Variants in STON1 observed in about 807,000 individuals in gnomAD.
STON1 encodes the protein stonin 1, also known as stonin-1.
In STON1, 79 loss-of-function variants were observed where a neutral mutation model predicts 60.9. The observed-to-expected ratio is 1.30, with a 90% confidence interval of 1.08 to 1.56. The LOEUF is 1.56. STON1 is among the 40% of genes most tolerant of loss of function. The pLI is 0.00. For synonymous variants in STON1, 363 were observed against 306.9 expected (o/e 1.18, Z -1.91); for missense variants, 1,166 against 858.9 (o/e 1.36, Z -4.47).
intron 1 of STON1, among the ~76,000 whole-genome samples, chr2:48,560,834 C>T (rs541802017): frequency 6.6e-6 from 1 of 152,306 alleles, no homozygotes; most frequent in African/African-American, 2.4e-5. Context: ...CCCTTGCTTC[C>T]AGACTGGCAG....
At chr2:48,536,599 A>G (rs1671441750) in intron 1 of STON1, among the ~76,000 whole-genome samples, 2 of 151,864 alleles carry the variant, frequency 1.3e-5, no homozygotes, top group African/African-American at 4.8e-5. Flanking sequence ...TATATAAGGA[A>G]GAACGCAAAA....
chr2:48,563,693 TTTG>T (rs139521757), intron 1 of STON1, among the ~76,000 whole-genome samples: 49,198 of 150,784 alleles, frequency 0.33, 8,123 homozygotes, highest in East Asian at 0.39. Flanking sequence ...TTTGTTTGTT[TTTG>T]TTGTTGTTGT....
intron 2 of STON1, among the ~76,000 whole-genome samples, chr2:48,590,189 C>T (rs923199871): frequency 6.6e-6 from 1 of 152,258 alleles, no homozygotes; most frequent in South Asian, 2.1e-4. Flanking sequence ...TATCACTTGC[C>T]TCCAGTGATC....
chr2:48,582,286 A>C lies in STON1; in HGVS notation c.1653A>C (p.Ser551=), dbSNP rs754141301. The change falls in exon 2 of 4, where the codon TCA becomes TCC. Residue 551 remains serine (S), a synonymous_variant. Coordinates refer to ENST00000404752, the MANE Select transcript of STON1 (RefSeq NM_006873.4). ...VELQAFVNMA[S]LAQRSSYAGS... ...TTCAGGCTTTTGTCAACATGGCCTC[A>C]TTGGCGCAGAGGTCATCCTATGCTG... 2.8e-5 allele frequency: 45 copies of C among 1,614,082 alleles called. No individual in the cohort carries two copies. In the African/African-American group the frequency reaches 5.3e-4, roughly 19 times the overall value.
intron 1 of STON1, among the ~76,000 whole-genome samples, chr2:48,576,185 C>CTTT (rs34849002): frequency 0.23 from 14,356 of 62,948 alleles, 2,385 homozygotes; most frequent in East Asian, 0.32. Flanking sequence ...GTTTTCCTTT[C>CTTT]TTTTTTTTTT....
At chr2:48,565,311 C>G (rs548617383) in intron 1 of STON1, among the ~76,000 whole-genome samples, 2 of 152,230 alleles carry the variant, frequency 1.3e-5, no homozygotes, top group African/African-American at 4.8e-5. Flanking sequence ...CTCGGCCTCC[C>G]AAAGTGCCAG....
chr2:48,555,294 A>G, intron 1 of STON1, among the ~76,000 whole-genome samples: 1 of 87,982 alleles, frequency 1.1e-5, no homozygotes, highest in Admixed American at 1.1e-4. Context: ...CACCTCCCGG[A>G]CGGGGCGGCT....
Position 48,595,300 on chromosome 2 carries a change from T to C in STON1, c.2206T>C (p.Ter736GlnextTer2), listed in dbSNP as rs148676074. 7.4e-6 allele frequency: 12 copies of C among 1,612,988 alleles called. No individual in the cohort carries two copies. In the African/African-American group the frequency reaches 1.6e-4, roughly 22 times the overall value. ...TAAAATTGGTGACTGCATAACTCAG[T>C]AGGAGTAGCAAGAGTTTATGATGAC... ...PDKIGDCITQ* is the reference protein window; with the variant it reads ...PDKIGDCITQQ The change falls in exon 4 of 4, where the codon TAG becomes CAG. Residue 736 changes from the stop codon to glutamine, a stop_lost. Coordinates refer to ENST00000404752, the MANE Select transcript of STON1 (RefSeq NM_006873.4).
At chr2:48,564,451 T>C (rs1254325117) in intron 1 of STON1, among the ~76,000 whole-genome samples, 75 of 53,712 alleles carry the variant, frequency 1.4e-3, no homozygotes, top group African/African-American at 4.9e-3. Context: ...TTCTTCTTCT[T>C]CTTCTTCTTC....
intron 1 of STON1, among the ~76,000 whole-genome samples, chr2:48,547,383 C>G (rs1168224079): frequency 6.6e-6 from 1 of 152,206 alleles, no homozygotes; most frequent in Non-Finnish European, 1.5e-5. Context: ...CTGGGCAGAG[C>G]TGCAAAGATG....
chr2:48,583,659 C>G (rs1200301043), intron 2 of STON1, among the ~76,000 whole-genome samples: 1 of 147,496 alleles, frequency 6.8e-6, no homozygotes, highest in Admixed American at 6.8e-5. Flanking sequence ...GGTCACTGGT[C>G]TCTGGAGTTA....
intron 1 of STON1, 102 bp from the exon 2 acceptor site, chr2:48,580,485 G>T: frequency 8.5e-7 from 1 of 1,169,632 alleles, no homozygotes; most frequent in Non-Finnish European, 1.1e-6. Flanking sequence ...GCCACCAACA[G>T]AATTATAATT....
At chr2:48,540,514 C>A (rs1183677691) in intron 1 of STON1, among the ~76,000 whole-genome samples, 1 of 152,178 alleles carries the variant, frequency 6.6e-6, no homozygotes, top group East Asian at 1.9e-4. Flanking sequence ...CAGGGAGGTT[C>A]CTGGAGGATG....
chr2:48,535,059 G>C (rs1275163985), intron 1 of STON1, among the ~76,000 whole-genome samples: 1 of 152,120 alleles, frequency 6.6e-6, no homozygotes, highest in Non-Finnish European at 1.5e-5. Flanking sequence ...TTTTAAAGTA[G>C]ATCAGGCAAA....
intron 2 of STON1, among the ~76,000 whole-genome samples, chr2:48,582,801 T>C (rs1369801913): frequency 6.6e-6 from 1 of 152,220 alleles, no homozygotes; most frequent in Non-Finnish European, 1.5e-5. Context: ...AATACCATGC[T>C]AGGCTAGGAA....
At chr2:48,541,009 A>G (rs1187721392) in intron 1 of STON1, among the ~76,000 whole-genome samples, 3 of 152,206 alleles carry the variant, frequency 2.0e-5, no homozygotes, top group African/African-American at 4.8e-5. Flanking sequence ...ATACTGACTG[A>G]GGTTCTTAAC....
At position 48,582,501 on chromosome 2, in the gene STON1, A is replaced by T; in HGVS notation, c.1868A>T (p.Lys623Ile). 1.2e-6 allele frequency: 2 copies of T among 1,614,172 alleles called. No individual in the cohort carries two copies. The highest frequency in any genetic ancestry group is 1.7e-6 in the Non-Finnish European group (2 of 1,179,996). ...PVIQVTVGSA[K>I]YESAYQAVVW... is the part of the protein sequence containing the mutation. ...ATTCAAGTCACTGTGGGGTCAGCAA[A>T]ATATGAGAGTGCCTACCAGGCAGTG... Residue 623 changes from lysine to isoleucine, a missense_variant, in exon 2 of 4, where the codon AAA becomes ATA. Coordinates refer to ENST00000404752, the MANE Select transcript of STON1 (RefSeq NM_006873.4).
intron 1 of STON1, among the ~76,000 whole-genome samples, chr2:48,564,347 A>C (rs1672734108): frequency 6.6e-6 from 1 of 151,906 alleles, no homozygotes; most frequent in East Asian, 1.9e-4. Flanking sequence ...CTGATTTCTC[A>C]TTACATCCTC....
At position 48,582,309 on chromosome 2, in the gene STON1, C is replaced by G. The variant is rs1331540849; in HGVS notation, c.1676C>G (p.Ala559Gly). The change falls in exon 2 of 4, where the codon GCT becomes GGT. Residue 559 changes from alanine to glycine, a missense_variant. Coordinates refer to ENST00000404752, the MANE Select transcript of STON1 (RefSeq NM_006873.4). ...TCATTGGCGCAGAGGTCATCCTATG[C>G]TGGTTCCTTAAGGTCCTGTGACAAT... ...MASLAQRSSY[A>G]GSLRSCDNIR... 3.1e-6 allele frequency: 5 copies of G among 1,614,080 alleles called. No homozygotes were observed. In the African/African-American group the frequency reaches 4.0e-5, roughly 13 times the overall value.
Sources: gnomAD v4.1 joint callset for allele counts (sites outside exome capture counted in the v4.1 genomes callset) on GRCh38, gnomAD v4.1.1 for gene constraint, MANE v1.5 for transcripts, NCBI Gene and HGNC (gene_info 2026-07-23, HGNC 2026-07-21) for gene names.